The following CAST variants were observed in gnomAD, a reference collection of about 807,000 sequenced individuals.
CAST encodes the protein MIR583 host.
Under a neutral mutation model 119.6 loss-of-function variants are expected in CAST, and 76 were observed. The observed-to-expected ratio is 0.64, with a 90% CI of 0.53 to 0.77. CAST has a LOEUF of 0.77. Among genes scored for constraint, CAST ranks in the 30% least tolerant of loss-of-function variants. The pLI is 0.00. For missense variants in CAST, 953 were observed against 946.5 expected (o/e 1.01, Z -0.09); for synonymous variants, 319 against 331.6 (o/e 0.96, Z 0.41).
chr5:96,443,172 T>A, the CAST span, among the ~76,000 whole-genome samples: 1 of 152,346 alleles, frequency 6.6e-6, no homozygotes, highest in African/African-American at 2.4e-5. Context: ...CCTTTGCTCA[T>A]GCATACATCT....
the CAST span, among the ~76,000 whole-genome samples, chr5:95,986,998 G>A: frequency 6.6e-6 from 1 of 152,120 alleles, no homozygotes; most frequent in African/African-American, 2.4e-5. Context: ...CTGGACAGCT[G>A]AGTGTTCCCA....
At chr5:96,597,982 G>A (rs1376061546) in intron 1 of CAST, among the ~76,000 whole-genome samples, 4 of 152,098 alleles carry the variant, frequency 2.6e-5, no homozygotes, top group African/African-American at 4.8e-5. Flanking sequence ...GCTGGCAGTA[G>A]TGAAGTCTGC....
chr5:96,768,417 G>T (rs368019597), intron 29 of CAST: 1 of 456,332 alleles, frequency 2.2e-6, no homozygotes, highest in African/African-American at 2.0e-5. Context: ...TGAATCAAAC[G>T]ATGATATAGA....
chr5:96,290,717 A>G, the CAST span, among the ~76,000 whole-genome samples: 1 of 152,178 alleles, frequency 6.6e-6, no homozygotes, highest in Non-Finnish European at 1.5e-5. Flanking sequence ...CAGGAATGAC[A>G]TTTAATTAGA....
the CAST span, among the ~76,000 whole-genome samples, chr5:96,235,924 C>A: frequency 6.6e-6 from 1 of 152,188 alleles, no homozygotes; most frequent in Non-Finnish European, 1.5e-5. Context: ...ACCATGGATA[C>A]CCCTATTCCA....
chr5:96,204,501 A>G, the CAST span, among the ~76,000 whole-genome samples: 1 of 152,100 alleles, frequency 6.6e-6, no homozygotes, highest in Non-Finnish European at 1.5e-5. Context: ...TCCACACAGT[A>G]GAAACCAGGC....
At chr5:96,563,436 G>T (rs185649423) in intron 1 of CAST, among the ~76,000 whole-genome samples, 1 of 152,076 alleles carries the variant, frequency 6.6e-6, no homozygotes, top group African/African-American at 2.4e-5. Context: ...TAAAGTTTGC[G>T]TAGTATTCCA....
chr5:96,100,563 C>T, the CAST span, among the ~76,000 whole-genome samples: 4 of 152,146 alleles, frequency 2.6e-5, no homozygotes, highest in Non-Finnish European at 5.9e-5. Context: ...ATTTAAACTG[C>T]CTAGGTTGGA....
At chr5:96,278,364 C>A in the CAST span, among the ~76,000 whole-genome samples, 1 of 152,006 alleles carries the variant, frequency 6.6e-6, no homozygotes, top group Non-Finnish European at 1.5e-5. Context: ...TGGTACCTGC[C>A]AGCTAATGGC....
At chr5:96,541,835 G>A (rs1745918296) in intron 1 of CAST, among the ~76,000 whole-genome samples, 1 of 152,108 alleles carries the variant, frequency 6.6e-6, no homozygotes, top group Admixed American at 6.5e-5. Context: ...ATATTCCCTT[G>A]TATGCATATA....
the CAST span, among the ~76,000 whole-genome samples, chr5:96,276,559 G>T: frequency 6.6e-6 from 1 of 152,320 alleles, no homozygotes; most frequent in Admixed American, 6.5e-5. Flanking sequence ...GTCTGTAGCA[G>T]AGATCAGAAA....
chr5:96,042,741 CA>C, the CAST span, among the ~76,000 whole-genome samples: 1 of 152,152 alleles, frequency 6.6e-6, no homozygotes, highest in East Asian at 1.9e-4. Context: ...CTCTGCTTCT[CA>C]CTTGCGAATC....
chr5:96,314,915 T>C, the CAST span, among the ~76,000 whole-genome samples: 1 of 152,230 alleles, frequency 6.6e-6, no homozygotes, highest in Non-Finnish European at 1.5e-5. Flanking sequence ...AGAGGTTTTC[T>C]TTAACTTCAA....
chr5:96,263,360 A>G, the CAST span, among the ~76,000 whole-genome samples: 1 of 152,208 alleles, frequency 6.6e-6, no homozygotes, highest in Non-Finnish European at 1.5e-5. Flanking sequence ...TGGCTCAAGG[A>G]AACTGAAAGT....
chr5:96,012,336 G>T, the CAST span, among the ~76,000 whole-genome samples: 1 of 151,726 alleles, frequency 6.6e-6, no homozygotes, highest in Non-Finnish European at 1.5e-5. Flanking sequence ...TTTACAATGG[G>T]TCCTTACCCA....
chr5:96,038,607 T>C, the CAST span, among the ~76,000 whole-genome samples: 2 of 149,306 alleles, frequency 1.3e-5, no homozygotes, highest in African/African-American at 4.9e-5. Context: ...CACTTATGAG[T>C]GAGAACATGC....
the CAST span, among the ~76,000 whole-genome samples, chr5:96,042,582 A>T: frequency 2.0e-5 from 3 of 152,214 alleles, no homozygotes; most frequent in African/African-American, 7.2e-5. Context: ...ATTTCAGCTT[A>T]CTTTAAAAAG....
chr5:96,533,480 A>G (rs1745729181), intron 1 of CAST, among the ~76,000 whole-genome samples: 1 of 152,176 alleles, frequency 6.6e-6, no homozygotes, highest in Non-Finnish European at 1.5e-5. Context: ...AATCAAAGCT[A>G]TTTTATAATA....
rs776899247 is a variant in CAST, at chr5:96,762,379, A to G, written c.1932+7A>G. 1 of 1,570,468 alleles carries G rather than the reference A, an allele frequency of 6.4e-7. No homozygotes were observed. Among genetic ancestry groups the G allele is most frequent in the South Asian group, 1.2e-5 (1 of 83,798 alleles). ...CCCACCCCGTGATACCTCGGTAAGCAGCACATCTTATTTGGGAGATAAATG... is the reference window on the plus strand; with the variant it reads ...CCCACCCCGTGATACCTCGGTAAGCGGCACATCTTATTTGGGAGATAAATG... On this transcript the variant is annotated splice_region_variant and intron_variant, in intron 25 of 31. Transcript: ENST00000675179.
Sources: allele counts gnomAD v4.1 joint callset (sites outside exome capture counted in the v4.1 genomes callset), GRCh38; gene constraint gnomAD v4.1.1; transcripts MANE v1.5; gene names NCBI Gene and HGNC (gene_info 2026-07-23, HGNC 2026-07-21).